UNC79: variants seen among roughly 807,000 people sequenced by gnomAD.
UNC79 encodes unc-79 subunit of NALCN channel complex.
A neutral mutation model predicts 283.1 loss-of-function variants in UNC79; 37 were observed. The ratio of observed to expected loss-of-function variants is 0.13; its 90% CI spans 0.10 to 0.17. The LOEUF is 0.17. Ranked by LOEUF, UNC79 falls within the 10% of genes least tolerant of loss-of-function variation. UNC79 has a pLI of 1.00. For missense variants in UNC79, 2,272 were observed against 3,211.1 expected, an observed-to-expected ratio of 0.71 and a Z score of 7.07; for synonymous variants, 1,107 against 1,200.2, an observed-to-expected ratio of 0.92 and a Z score of 1.61.
chr14:93,368,347 C>T (rs1040126964), intron 1 of UNC79, among the ~76,000 whole-genome samples: 1 of 152,088 alleles, frequency 6.6e-6, no homozygotes, highest in African/African-American at 2.4e-5. Context: ...GACAACACCC[C>T]TCTAAAAAAG....
intron 1 of UNC79, among the ~76,000 whole-genome samples, chr14:93,361,584 T>A (rs2054228614): frequency 6.6e-6 from 1 of 152,086 alleles, no homozygotes; most frequent in African/African-American, 2.4e-5. Context: ...TTCTCAAATC[T>A]AGGAGCCTTT....
At chr14:93,339,626 TTTCTG>T in intron 1 of UNC79, among the ~76,000 whole-genome samples, 1 of 152,216 alleles carries the variant, frequency 6.6e-6, no homozygotes, top group Non-Finnish European at 1.5e-5. Context: ...AGATACTGTC[TTTCTG>T]TTACTCGTGG....
At chr14:93,405,995 G>T (rs1345502343) in intron 1 of UNC79, among the ~76,000 whole-genome samples, 1 of 152,134 alleles carries the variant, frequency 6.6e-6, no homozygotes, top group East Asian at 1.9e-4. Context: ...GCTGAGCTGG[G>T]ACAGTCCTGG....
chr14:93,597,561 TCTGCTCCGAAGGTGGTTTGTGTCAGCA>T, intron 24 of UNC79, 21 bp downstream of exon 24: 1 of 1,604,286 alleles, frequency 6.2e-7, no homozygotes, highest in Non-Finnish European at 8.5e-7. Context: ...ATTTGTGTTA[TCTGCTCCGAAGGTGGTTTGTGTCAGCA>T]CTACTAAATC....
At chr14:93,514,223 CACAT>C (rs2059957235) in intron 7 of UNC79, among the ~76,000 whole-genome samples, 1 of 152,156 alleles carries the variant, frequency 6.6e-6, no homozygotes, top group Admixed American at 6.5e-5. Context: ...ACATTAGACA[CACAT>C]TTCTAATATC....
chr14:93,604,491 C>CT, intron 26 of UNC79, among the ~76,000 whole-genome samples: 1 of 152,290 alleles, frequency 6.6e-6, no homozygotes, highest in Non-Finnish European at 1.5e-5. Flanking sequence ...AAGATAATCA[C>CT]AGGTGATCAT....
chr14:93,610,669 G>A (rs2066237350), intron 26 of UNC79, among the ~76,000 whole-genome samples: 1 of 150,856 alleles, frequency 6.6e-6, no homozygotes, highest in South Asian at 2.1e-4. Flanking sequence ...GGAGTAGAGT[G>A]GCATGATCAC....
At chr14:93,491,908 A>C (rs932628575) in intron 5 of UNC79, among the ~76,000 whole-genome samples, 4 of 152,234 alleles carry the variant, frequency 2.6e-5, no homozygotes, top group Non-Finnish European at 5.9e-5. Context: ...CTTGTGATAT[A>C]GGAAGCACTT....
chr14:93,592,678 G>GAAAAC (rs540313951), intron 22 of UNC79, among the ~76,000 whole-genome samples: 2 of 151,240 alleles, frequency 1.3e-5, no homozygotes, highest in African/African-American at 2.4e-5. Context: ...GAGTCAAATA[G>GAAAAC]AAAACAAAAC....
intron 1 of UNC79, among the ~76,000 whole-genome samples, chr14:93,359,532 G>T (rs1363034720): frequency 1.3e-5 from 2 of 152,202 alleles, no homozygotes; most frequent in Admixed American, 6.5e-5. Flanking sequence ...AACAATCAAA[G>T]GCAAGGTCAG....
At chr14:93,636,088 A>T (rs1300521036) in intron 31 of UNC79, among the ~76,000 whole-genome samples, 2 of 152,202 alleles carry the variant, frequency 1.3e-5, no homozygotes, top group African/African-American at 4.8e-5. Context: ...CTACAATGAC[A>T]ACCTACTTCA....
intron 4 of UNC79, among the ~76,000 whole-genome samples, chr14:93,486,642 G>A (rs1566986256): frequency 1.6e-5 from 2 of 126,638 alleles, no homozygotes; most frequent in Non-Finnish European, 1.6e-5. Flanking sequence ...CAACAAGAGT[G>A]AGACTCTGTC....
At chr14:93,613,763 C>G (rs1310202373) in intron 27 of UNC79, among the ~76,000 whole-genome samples, 1 of 151,934 alleles carries the variant, frequency 6.6e-6, no homozygotes, top group Non-Finnish European at 1.5e-5. Flanking sequence ...CAATTACTAA[C>G]CAAAAATACT....
At chr14:93,364,584 A>C (rs890046760) in intron 1 of UNC79, among the ~76,000 whole-genome samples, 8 of 149,092 alleles carry the variant, frequency 5.4e-5, no homozygotes, top group African/African-American at 1.7e-4. Context: ...AGGAATAGAA[A>C]AGGGGCCTGG....
rs768791912 is a variant in UNC79, at chr14:93,643,653, C to T, written c.6000C>T (p.Asp2000=). The T allele has an allele frequency of 6.2e-6, 10 of 1,613,142 alleles. No homozygotes were observed. In the South Asian group the frequency reaches 6.6e-5, roughly 11 times the overall value. Residue 2000 remains aspartate (D), a synonymous_variant, in exon 34 of 49, where the codon GAC becomes GAT. Coordinates refer to ENST00000555664, the Ensembl canonical transcript of UNC79. ...CCACATTCATTCACTTAAGCCCAGA[C>T]CTGGCAGCCCCGCTGCTGCTGGATA...
In UNC79 at chr14:93,467,925, G is replaced by A. The variant is rs140541573; in HGVS notation, c.143+134G>A. The A allele has an allele frequency of 7.4e-5, 86 of 1,157,844 alleles. No homozygotes were observed. The East Asian group carries it at 2.8e-3, about 38-fold the overall frequency. The allele number at this position is 1,157,844 out of a possible 1,614,324, so 71.7% of individuals were successfully genotyped here. ...CTAGTGCTCTGTCAGAAGAGTCTGT[G>A]CTCAAGTTCTCTGGGTGTATGTAGC... On this transcript the variant is annotated intron_variant, in intron 2 of 48. Transcript: ENST00000555664.
intron 7 of UNC79, among the ~76,000 whole-genome samples, chr14:93,518,844 G>A (rs1326364535): frequency 1.3e-5 from 2 of 151,812 alleles, no homozygotes; most frequent in Non-Finnish European, 2.9e-5. Flanking sequence ...TAATTTTTCA[G>A]ATACTTTTGT....
At chr14:93,467,880 T>G in intron 2 of UNC79, 89 bp downstream of exon 2, 1 of 1,372,246 alleles carries the variant, frequency 7.3e-7, no homozygotes, top group Non-Finnish European at 9.4e-7. Flanking sequence ...GAATTGCAAG[T>G]TTTAAAGGGC....
chr14:93,588,956 G>A (rs2064444441), intron 22 of UNC79, among the ~76,000 whole-genome samples: 1 of 152,036 alleles, frequency 6.6e-6, no homozygotes, highest in Non-Finnish European at 1.5e-5. Flanking sequence ...GTTAAGGGGA[G>A]TTTATAACGG....
Sources: allele counts gnomAD v4.1 joint callset (sites outside exome capture counted in the v4.1 genomes callset), GRCh38; gene constraint gnomAD v4.1.1; transcripts MANE v1.5; gene names NCBI Gene and HGNC (gene_info 2026-07-23, HGNC 2026-07-21).